The following NEFM variants were observed in gnomAD, a reference collection of about 807,000 sequenced individuals.
NEFM encodes neurofilament medium polypeptide.
NEFM carries 16 observed loss-of-function variants against 48.1 expected under a neutral mutation model. That is an observed-to-expected ratio of 0.33 (90% CI 0.23 to 0.51). NEFM has a LOEUF of 0.51. Among genes scored for constraint, NEFM ranks in the 20% least tolerant of loss-of-function variants. The pLI is 0.98. For synonymous variants in NEFM, 465 were observed against 456.9 expected (o/e 1.02, Z -0.23); for missense variants, 1,107 against 1,136.0 (o/e 0.97, Z 0.37).
Position 24,918,677 on chromosome 8 carries a change from C to T in NEFM, c.*71C>T. ...ATGCATGTGATTGGCAGCTTCAAAA[C>T]AGAACGGGTTCTCCCATGGGGGCTC... On this transcript the variant is annotated 3_prime_UTR_variant, in exon 3 of 3. Coordinates refer to ENST00000221166, the MANE Select transcript of NEFM (RefSeq NM_005382.2). 8.9e-7 allele frequency: 1 copy of T among 1,117,816 alleles called. No homozygotes were observed. Among genetic ancestry groups the T allele is most frequent in the Non-Finnish European group, 1.4e-6 (1 of 739,886 alleles). 69.2% of individuals were successfully genotyped at this position (1,117,816 alleles called of 1,614,324 possible).
chr8:24,915,188 A>C (rs1364559459), intron 1 of NEFM: 1 of 1,300,352 alleles, frequency 7.7e-7, no homozygotes, highest in Non-Finnish European at 9.8e-7. Flanking sequence ...TAAATCAGCA[A>C]CTTTAGGATA....
intron 2 of NEFM, 67 bp from the exon 3 acceptor site, chr8:24,916,994 T>G (rs1019350635): frequency 1.6e-6 from 2 of 1,268,452 alleles, no homozygotes; most frequent in African/African-American, 1.5e-5. Flanking sequence ...ATACCCAGAA[T>G]GTAATGAAGC....
Position 24,914,791 on chromosome 8 carries a change from C to G in NEFM, c.998C>G (p.Ser333Trp). The G allele has an allele frequency of 6.2e-7, 1 of 1,607,444 alleles. No individual in the cohort carries two copies. Among genetic ancestry groups the G allele is most frequent in the Non-Finnish European group, 8.5e-7 (1 of 1,177,408 alleles). ...QLQSKSIELE[S>W]VRGTKESLER... The stretch of plus-strand genomic sequence containing the variant: ...CAGTCCAAGAGCATCGAGCTAGAGT[C>G]GGTGCGCGGCACCAAGGAGTCCCTG... The change falls in exon 1 of 3, where the codon TCG (serine) becomes TGG (tryptophan). Residue 333 changes from serine to tryptophan, a missense_variant. By Grantham distance (177) the Ser-to-Trp change is radical. Around this residue, in one of 3 missense-constraint regions of NEFM, gnomAD observed 917 missense variants for 916.4 expected, o/e 1.00. Coordinates refer to ENST00000221166, the MANE Select transcript of NEFM (RefSeq NM_005382.2).
chr8:24,913,912 G>C lies in NEFM; in HGVS notation c.119G>C (p.Trp40Ser). The C allele has an allele frequency of 6.2e-7, 1 of 1,611,184 alleles. No homozygotes were observed. Among genetic ancestry groups the C allele is most frequent in the Non-Finnish European group, 8.5e-7 (1 of 1,179,148 alleles). Residue 40 changes from tryptophan to serine, a missense_variant, in exon 1 of 3, where the codon TGG becomes TCG. Coordinates refer to ENST00000221166, the MANE Select transcript of NEFM (RefSeq NM_005382.2). ...TCCAGTGGCTTCCGCTCGCAGTCGT[G>C]GTCCCGCGGCTCGCCCAGCACCGTG... is the stretch of plus-strand genomic sequence containing the variant. The part of the protein sequence containing the change: ...SPSSGFRSQS[W>S]SRGSPSTVSS...
In NEFM at chr8:24,918,078, A is replaced by G; in HGVS notation, c.2223A>G (p.Glu741=). ...AAGCTGAGTCCCCTGTAAAGGAGGA[A>G]GCTGTGGCAGAGGTGGTCACCATCA... ...KKKAESPVKE[E]AVAEVVTITK... The change falls in exon 3 of 3, where the codon GAA becomes GAG. Residue 741 remains glutamate, a synonymous_variant. Coordinates refer to ENST00000221166, the MANE Select transcript of NEFM (RefSeq NM_005382.2). The G allele has an allele frequency of 6.4e-7, 1 of 1,552,514 alleles. No homozygotes were observed.
In NEFM at chr8:24,918,450, G is replaced by A. The variant is rs147964775; in HGVS notation, c.2595G>A (p.Gly865=). 2 of 1,614,072 alleles carry A rather than the reference G, an allele frequency of 1.2e-6. No individual in the cohort carries two copies. Among genetic ancestry groups the A allele is most frequent in the Non-Finnish European group, 1.7e-6 (2 of 1,179,994 alleles). Residue 865 remains glycine (G), a synonymous_variant, in exon 3 of 3, where the codon GGG becomes GGA. Transcript: ENST00000221166. The part of the protein sequence containing the change: ...TKTVEKITSE[G]GDGATKYITK... ...CGGTAGAAAAAATCACCAGTGAGGG[G>A]GGAGATGGTGCTACCAAATACATCA...
chr8:24,914,775 A>C lies in NEFM; in HGVS notation c.982A>C (p.Ser328Arg). The C allele has an allele frequency of 6.2e-7, 1 of 1,610,908 alleles. No individual in the cohort carries two copies. Among genetic ancestry groups the C allele is most frequent in the Non-Finnish European group, 8.5e-7 (1 of 1,178,824 alleles). The change falls in exon 1 of 3, where the codon AGC becomes CGC. Residue 328 changes from serine to arginine, a missense_variant. Physicochemically the swap from Ser to Arg is moderately radical, Grantham distance 110. Transcript: ENST00000221166. Reference sequence around the variant, plus strand: ...GTACCGGCGCCAGCTGCAGTCCAAGAGCATCGAGCTAGAGTCGGTGCGCGG... The same window carrying C: ...GTACCGGCGCCAGCTGCAGTCCAAGCGCATCGAGCTAGAGTCGGTGCGCGG... ...AEYRRQLQSK[S>R]IELESVRGTK...
At chr8:24,917,005 T>A in intron 2 of NEFM, 56 bp from the exon 3 acceptor site, 3 of 1,420,604 alleles carry the variant, frequency 2.1e-6, no homozygotes. Context: ...GTAATGAAGC[T>A]CAGAAGGCCT....
In NEFM at chr8:24,914,384, C is replaced by T. The variant is rs761463013; in HGVS notation, c.591C>T (p.Asp197=). 6.2e-7 allele frequency: 1 copy of T among 1,613,512 alleles called. No homozygotes were observed. Among genetic ancestry groups the T allele is most frequent in the Non-Finnish European group, 8.5e-7 (1 of 1,179,998 alleles). ...ERFEEEARLR[D]DTEAAIRALR... ...TTGAGGAGGAGGCGCGGTTGCGCGA[C>T]GACACTGAGGCGGCCATCCGCGCGC... The change falls in exon 1 of 3, where the codon GAC becomes GAT. Residue 197 remains aspartate (D), a synonymous_variant. Coordinates refer to ENST00000221166, the MANE Select transcript of NEFM (RefSeq NM_005382.2).
chr8:24,915,165 A>T (rs1404241584), intron 1 of NEFM: 2 of 1,325,004 alleles, frequency 1.5e-6, no homozygotes, highest in Admixed American at 7.6e-5. Context: ...GGAGGGATGA[A>T]TTCGGTAGTG....
chr8:24,918,799 G>C lies in NEFM; in HGVS notation c.*193G>C, dbSNP rs555414554. 89 of 603,956 alleles carry C rather than the reference G, an allele frequency of 1.5e-4. No homozygotes were observed. The highest frequency in any genetic ancestry group is 2.1e-4 in the Non-Finnish European group (73 of 341,144). 37.4% of individuals were successfully genotyped at this position (603,956 alleles called of 1,614,324 possible). On this transcript the variant is annotated 3_prime_UTR_variant, in exon 3 of 3. Coordinates refer to ENST00000221166, the MANE Select transcript of NEFM (RefSeq NM_005382.2). The stretch of plus-strand genomic sequence containing the variant: ...TTGGGGGATTCAAATGCATGATATT[G>C]TATGTACCTGGGAAATTTGCCGATT...
chr8:24,914,579 G>A lies in NEFM; in HGVS notation c.786G>A (p.Leu262=). 6.2e-7 allele frequency: 1 copy of A among 1,614,158 alleles called. No individual in the cohort carries two copies. Among genetic ancestry groups the A allele is most frequent in the African/African-American group, 1.3e-5 (1 of 75,050 alleles). ...TCACGGTGGAGCGCAAAGACTACCT[G>A]AAGACAGACATCTCGACGGCGCTGA... is the stretch of plus-strand genomic sequence containing the variant. ...SHITVERKDY[L]KTDISTALKE... is the part of the protein sequence containing the mutation. Residue 262 remains leucine, a synonymous_variant, in exon 1 of 3, where the codon CTG becomes CTA. Coordinates refer to ENST00000221166, the MANE Select transcript of NEFM (RefSeq NM_005382.2).
intron 1 of NEFM, chr8:24,915,176 G>C (rs1802553908): frequency 7.6e-7 from 1 of 1,319,272 alleles, no homozygotes; most frequent in African/African-American, 1.5e-5. Flanking sequence ...TTCGGTAGTG[G>C]ATAAATCAGC....
Position 24,917,498 on chromosome 8 carries a change from C to A in NEFM, c.1643C>A (p.Ala548Asp). Residue 548 changes from alanine to aspartate, a missense_variant, in exon 3 of 3, where the codon GCC (alanine) becomes GAC (aspartate). Around this residue, in one of 3 missense-constraint regions of NEFM, gnomAD observed 917 missense variants for 916.4 expected, o/e 1.00. Coordinates refer to ENST00000221166, the MANE Select transcript of NEFM (RefSeq NM_005382.2). ...EEDEGAKSDQ[A>D]EEGGSEKEGS... is the part of the protein sequence containing the mutation. ...GATGAGGGAGCTAAGTCAGACCAAG[C>A]CGAAGAGGGAGGATCCGAGAAGGAA... 3 of 1,554,482 alleles carry A rather than the reference C, an allele frequency of 1.9e-6. No individual in the cohort carries two copies. The highest frequency in any genetic ancestry group is 3.9e-5 in the Admixed American group (2 of 51,116).
At position 24,915,594 on chromosome 8, in the gene NEFM, G is replaced by A. The variant is rs1179302689; in HGVS notation, c.1081-11G>A. On this transcript the variant is annotated splice_polypyrimidine_tract_variant and intron_variant, in intron 1 of 2. Coordinates refer to ENST00000221166, the MANE Select transcript of NEFM (RefSeq NM_005382.2). ...GGATGAGTCTGGGGAGATTCTCTGT[G>A]TCTGTTTCAGGACACCATCCAGCAG... The A allele has an allele frequency of 6.2e-7, 1 of 1,614,046 alleles. No homozygotes were observed. The highest frequency in any genetic ancestry group is 8.5e-7 in the Non-Finnish European group (1 of 1,180,004).
chr8:24,917,446 G>T lies in NEFM; in HGVS notation c.1591G>T (p.Glu531Ter), dbSNP rs138461187. 2 of 1,555,632 alleles carry T rather than the reference G, an allele frequency of 1.3e-6. No individual in the cohort carries two copies. The highest frequency in any genetic ancestry group is 1.7e-6 in the Non-Finnish European group (2 of 1,149,138). ...AGAGGAAGGGGAAAAGGAGGAAGAA[G>T]AAGGCCAGGAAGAAGAGGAGGAAGA... Reference protein sequence around the residue: ...KEEEGEKEEEEGQEEEEEEDE... With the variant: ...KEEEGEKEEE The change falls in exon 3 of 3, where the codon GAA (glutamate) becomes TAA (stop). Residue 531 changes from glutamate to a stop codon, truncating the protein, a stop_gained. Transcript: ENST00000221166. LOFTEE classifies it low-confidence loss of function (END_TRUNC).
At chr8:24,915,073 C>A in intron 1 of NEFM, 200 bp downstream of exon 1, 2 of 1,378,902 alleles carry the variant, frequency 1.5e-6, no homozygotes, top group Non-Finnish European at 1.9e-6. Context: ...ACCCACCTGC[C>A]CCAGCTGCTA....
In NEFM at chr8:24,917,674, G is replaced by A. The variant is rs1179886627; in HGVS notation, c.1819G>A (p.Val607Met). The stretch of plus-strand genomic sequence containing the variant: ...GGAGGAGCTGGTGGCAGATGCCAAG[G>A]TGGAAAAGCCAGAAAAAGCCAAGTC... ...TKEELVADAK[V>M]EKPEKAKSPV... The change falls in exon 3 of 3, where the codon GTG becomes ATG. Residue 607 changes from valine to methionine, a missense_variant. By Grantham distance (21) the Val-to-Met change is conservative. Transcript: ENST00000221166. The A allele has an allele frequency of 3.1e-6, 5 of 1,613,300 alleles. No individual in the cohort carries two copies. In the African/African-American group the frequency reaches 5.3e-5, roughly 17 times the overall value.
rs111844007 is a variant in NEFM, at chr8:24,915,665, T to C, written c.1141T>C (p.Leu381=). 898 of 1,613,918 alleles carry C rather than the reference T, an allele frequency of 5.6e-4. 5 individuals are homozygous for C. The highest frequency in any genetic ancestry group is 2.7e-4 in the Admixed American group (16 of 59,966). The change falls in exon 2 of 3, where the codon TTG becomes CTG. Residue 381 remains leucine (L), a synonymous_variant. Transcript: ENST00000221166. ...CACAAAGTGGGAAATGGCTCGTCAT[T>C]TGCGCGAATACCAGGACCTCCTCAA... ...RGTKWEMARH[L]REYQDLLNVK... is the part of the protein sequence containing the mutation.
Sources: allele counts gnomAD v4.1 joint callset, GRCh38; gene constraint gnomAD v4.1.1; regional missense constraint gnomAD v4.1.1; transcripts MANE v1.5; gene names NCBI Gene and HGNC (gene_info 2026-07-23, HGNC 2026-07-21).